The following NRCAM variants were observed in gnomAD, a reference collection of about 807,000 sequenced individuals.
NRCAM encodes neuronal cell adhesion molecule, also known as NgCAM-related cell adhesion molecule.
Under a neutral mutation model 156.5 loss-of-function variants are expected in NRCAM, and 83 were observed. The ratio of observed to expected loss-of-function variants is 0.53; its 90% confidence interval spans 0.44 to 0.64. The LOEUF (loss-of-function observed/expected upper bound fraction) is 0.64, where lower values mean the gene tolerates loss of function less well. Among genes scored for constraint, NRCAM ranks in the 30% least tolerant of loss-of-function variants. NRCAM has a pLI of 0.00. For missense variants in NRCAM, 1,417 were observed against 1,597.3 expected (o/e 0.89, Z 1.92); for synonymous variants, 538 against 563.9 (o/e 0.95, Z 0.65).
rs761107004 is a variant in NRCAM at position 108,232,354 on chromosome 7, A to C, written c.399T>G (p.Val133=). 39 of 1,605,838 alleles carry C rather than the reference A, an allele frequency of 2.4e-5. 1 individual carries two copies. In the Middle Eastern group the frequency reaches 5.3e-4, roughly 22 times the overall value. The part of the protein sequence containing the change: ...CTARNERGAA[V]SNNIVVRPSR... ...ATGGGCGGACAACAATGTTATTAGA[A>C]ACTGCAGCTCCGCGTTCGTTCCTTG... is the stretch of plus-strand genomic sequence containing the variant. Residue 133 remains valine, a synonymous_variant, in exon 7 of 33, where the codon GTT becomes GTG. Transcript: ENST00000379028.
intron 12 of NRCAM, among the ~76,000 whole-genome samples, chr7:108,209,109 C>T (rs2082709645): frequency 6.6e-6 from 1 of 152,184 alleles, no homozygotes; most frequent in African/African-American, 2.4e-5. Context: ...AAGTTTCACC[C>T]ACTAATTTTA....
chr7:108,228,326 A>AAAC (rs71522861), intron 8 of NRCAM, among the ~76,000 whole-genome samples: 57 of 76,944 alleles, frequency 7.4e-4, no homozygotes, highest in African/African-American at 2.8e-3. Flanking sequence ...CATCTAAAAC[A>AAAC]AAAAAAAAAA....
At chr7:108,334,950 A>G (rs2099164083) in intron 2 of NRCAM, among the ~76,000 whole-genome samples, 2 of 152,230 alleles carry the variant, frequency 1.3e-5, no homozygotes, top group Admixed American at 1.3e-4. Flanking sequence ...TTATATTAAG[A>G]CAGGGTTATG....
chr7:108,166,248 CTTTTT>C (rs1034778488), intron 30 of NRCAM, among the ~76,000 whole-genome samples: 1 of 130,070 alleles, frequency 7.7e-6, no homozygotes, highest in Admixed American at 7.5e-5. Flanking sequence ...TCTTTCTTTT[CTTTTT>C]TTTTTTTTTT....
chr7:108,266,633 G>A (rs974013966), intron 3 of NRCAM, among the ~76,000 whole-genome samples: 10 of 152,176 alleles, frequency 6.6e-5, no homozygotes, highest in African/African-American at 2.4e-4. Flanking sequence ...GTCATAAAGA[G>A]ACAATCTCTT....
intron 3 of NRCAM, among the ~76,000 whole-genome samples, chr7:108,284,400 C>T (rs1166597534): frequency 1.3e-5 from 2 of 152,152 alleles, no homozygotes; most frequent in Non-Finnish European, 2.9e-5. Flanking sequence ...AAAGCTCTAA[C>T]AAGGTTTTCT....
At chr7:108,226,555 CACACTAAA>C (rs2093489372) in intron 8 of NRCAM, among the ~76,000 whole-genome samples, 177 bp from the exon 9 acceptor site, 1 of 149,248 alleles carries the variant, frequency 6.7e-6, no homozygotes, top group Non-Finnish European at 1.5e-5. Flanking sequence ...AAATACGTAA[CACACTAAA>C]ACTCTAACTC....
At chr7:108,301,642 G>C (rs903514617) in intron 3 of NRCAM, among the ~76,000 whole-genome samples, 15 of 152,126 alleles carry the variant, frequency 9.9e-5, no homozygotes, top group Non-Finnish European at 2.9e-5. Flanking sequence ...ATGAGAAGTA[G>C]AAGGGAAATT....
chr7:108,180,198 T>C, intron 25 of NRCAM, 25 bp downstream of exon 25: 4 of 1,606,780 alleles, frequency 2.5e-6, no homozygotes, highest in Non-Finnish European at 3.4e-6. Context: ...GTTCCTGAGA[T>C]CTTAGAGACA....
chr7:108,157,201 T>C (rs2046024419), intron 32 of NRCAM, among the ~76,000 whole-genome samples: 1 of 152,166 alleles, frequency 6.6e-6, no homozygotes, highest in Admixed American at 6.5e-5. Flanking sequence ...ATGACAAATG[T>C]ACAAGTGTTT....
At chr7:108,302,647 C>A (rs1464119024) in intron 3 of NRCAM, among the ~76,000 whole-genome samples, 1 of 152,210 alleles carries the variant, frequency 6.6e-6, no homozygotes, top group African/African-American at 2.4e-5. Context: ...AGCATCTCTG[C>A]CTACCATTCC....
rs1371138189 is a variant in NRCAM at position 108,240,054 on chromosome 7, T to G, written c.11A>C (p.Lys4Thr). ...TAAGCGCTTCTTTTTCGGCATTATT[T>G]TAAGCTGCATTAGCTTAACTCCTGC... MQL[K>T]IMPKKKRLSA... Residue 4 changes from lysine (K) to threonine (T), a missense_variant, in exon 4 of 33, where the codon AAA (lysine) becomes ACA (threonine). Physicochemically the swap from Lys to Thr is moderately conservative, Grantham distance 78. Coordinates refer to ENST00000379028, the MANE Select transcript of NRCAM (RefSeq NM_001037132.4). The G allele has an allele frequency of 1.9e-6, 3 of 1,611,386 alleles. No homozygotes were observed. Among genetic ancestry groups the G allele is most frequent in the Non-Finnish European group, 2.5e-6 (3 of 1,177,826 alleles).
At chr7:108,207,499 T>C in intron 13 of NRCAM, 29 bp downstream of exon 13, 2 of 1,608,470 alleles carry the variant, frequency 1.2e-6, no homozygotes, top group Non-Finnish European at 1.7e-6. Context: ...GAAAATATAC[T>C]GCAATTAGAA....
chr7:108,187,250 C>T (rs2067457151), intron 20 of NRCAM, among the ~76,000 whole-genome samples: 1 of 152,186 alleles, frequency 6.6e-6, no homozygotes, highest in African/African-American at 2.4e-5. Flanking sequence ...CAGGACCTTG[C>T]ACAATTCCCA....
At chr7:108,278,059 A>G (rs544187762) in intron 3 of NRCAM, among the ~76,000 whole-genome samples, 4 of 152,326 alleles carry the variant, frequency 2.6e-5, no homozygotes, top group Non-Finnish European at 2.9e-5. Context: ...GAGTATCACC[A>G]GCGAAGGCTG....
rs113994494 is a variant in NRCAM at position 108,224,819 on chromosome 7, A to G, written c.778+826T>C. The stretch of plus-strand genomic sequence containing the variant: ...TTACTCCTCTAAAATCACTTTGGGA[A>G]TGGTCTTGGGGCCCATATTTTTCAG... On this transcript the variant is annotated intron_variant, in intron 10 of 32. Coordinates refer to ENST00000379028, the MANE Select transcript of NRCAM (RefSeq NM_001037132.4). 2.9e-3 allele frequency among the ~76,000 whole-genome samples: 448 copies of G among 152,238 alleles called. 2 individuals are homozygous for G. The highest frequency in any genetic ancestry group is 0.01 in the African/African-American group (420 of 41,566).
intron 3 of NRCAM, among the ~76,000 whole-genome samples, chr7:108,243,790 T>G (rs906421395): frequency 7.9e-5 from 12 of 152,194 alleles, no homozygotes; most frequent in Admixed American, 5.2e-4. Flanking sequence ...CTCATTTAAT[T>G]TAACTCCATT....
At chr7:108,366,606 C>A (rs1201265928) in intron 2 of NRCAM, among the ~76,000 whole-genome samples, 3 of 152,070 alleles carry the variant, frequency 2.0e-5, no homozygotes, top group African/African-American at 4.8e-5. Context: ...ACAACTTTTA[C>A]GACAAAGAGT....
intron 3 of NRCAM, among the ~76,000 whole-genome samples, chr7:108,250,221 C>T (rs1461897914): frequency 6.6e-6 from 1 of 151,968 alleles, no homozygotes; most frequent in Non-Finnish European, 1.5e-5. Flanking sequence ...GAGTTCAAAA[C>T]CAGCCTGGAT....
Sources: allele counts gnomAD v4.1 joint callset (sites outside exome capture counted in the v4.1 genomes callset), GRCh38; gene constraint gnomAD v4.1.1; transcripts MANE v1.5; gene names NCBI Gene and HGNC (gene_info 2026-07-23, HGNC 2026-07-21).